TOPBP1: variants seen among roughly 807,000 people sequenced by gnomAD.
TOPBP1 encodes the protein DNA topoisomerase II binding protein 1.
A neutral mutation model predicts 167.7 loss-of-function variants in TOPBP1; 28 were observed. The ratio of observed to expected loss-of-function variants is 0.17; its 90% CI spans 0.12 to 0.23. The LOEUF is 0.23. TOPBP1 is among the 10% of genes least tolerant of loss of function. The pLI is 1.00. For synonymous variants in TOPBP1, 598 were observed against 611.4 expected, an observed-to-expected ratio of 0.98 and a Z score of 0.32; for missense variants, 1,554 against 1,809.6, an observed-to-expected ratio of 0.86 and a Z score of 2.56.
chr3:133,661,026 G>A lies in TOPBP1; in HGVS notation c.84+18C>T, dbSNP rs763626536. 4.9e-5 allele frequency: 76 copies of A among 1,538,528 alleles called. No homozygotes were observed. The highest frequency in any genetic ancestry group is 8.8e-6 in the Non-Finnish European group (10 of 1,142,112). On this transcript the variant is annotated intron_variant, in intron 2 of 27. Coordinates refer to ENST00000260810, the MANE Select transcript of TOPBP1 (RefSeq NM_007027.4). ...CAAGAAAATGAATTCACGGTATTAA[G>A]ATGTTTTCAACTCTTACCTCGAGAG...
chr3:133,646,910 G>A (rs539898928), intron 10 of TOPBP1, among the ~76,000 whole-genome samples: 76 of 152,112 alleles, frequency 5.0e-4, no homozygotes, highest in Non-Finnish European at 8.7e-4. Context: ...CCACTAAAGT[G>A]GTTACTAAAT....
At chr3:133,608,175 T>C (rs540914690) in intron 27 of TOPBP1, among the ~76,000 whole-genome samples, 3 of 152,276 alleles carry the variant, frequency 2.0e-5, no homozygotes, top group South Asian at 4.1e-4. Context: ...GTATTTAATG[T>C]ACATGAAAGC....
intron 11 of TOPBP1, 140 bp downstream of exon 11, chr3:133,643,880 C>T (rs1559826576): frequency 1.2e-5 from 10 of 837,316 alleles, no homozygotes; most frequent in African/African-American, 1.7e-5. Context: ...TTTTGAATTT[C>T]CCTTGCTAAA....
intron 14 of TOPBP1, among the ~76,000 whole-genome samples, chr3:133,631,319 C>T (rs921093371): frequency 5.9e-5 from 9 of 152,124 alleles, no homozygotes; most frequent in African/African-American, 1.9e-4. Flanking sequence ...TAATAAATTC[C>T]CCTATTTGTG....
Position 133,655,036 on chromosome 3 carries a change from G to A in TOPBP1, c.742+254C>T, listed in dbSNP as rs140531267. ...AGTCTGGCCAACATGGTGAAAGCCCGTCTCTACTAAAAATAAAAAGTTATT... is the reference window on the plus strand; with the variant it reads ...AGTCTGGCCAACATGGTGAAAGCCCATCTCTACTAAAAATAAAAAGTTATT... On this transcript the variant is annotated intron_variant, in intron 6 of 27. Coordinates refer to ENST00000260810, the MANE Select transcript of TOPBP1 (RefSeq NM_007027.4). Among the ~76,000 whole-genome samples the A allele has an allele frequency of 2.0e-4, 30 of 148,944 alleles. No individual in the cohort carries two copies. The East Asian group carries it at 2.3e-3, about 12-fold the overall frequency.
chr3:133,658,528 G>A (rs1172286813), intron 3 of TOPBP1, among the ~76,000 whole-genome samples: 1 of 151,710 alleles, frequency 6.6e-6, no homozygotes, highest in African/African-American at 2.4e-5. Flanking sequence ...ACTGAAAACT[G>A]CCTTACTGCT....
At chr3:133,637,851 T>C in intron 14 of TOPBP1, 25 bp downstream of exon 14, 1 of 1,608,570 alleles carries the variant, frequency 6.2e-7, no homozygotes, top group Admixed American at 1.7e-5. Flanking sequence ...CTGTTAACTC[T>C]GGGACCACTG....
rs1168287650 is a variant in TOPBP1 at position 133,661,084 on chromosome 3, T to G, written c.44A>C (p.Lys15Thr). The G allele has an allele frequency of 4.4e-6, 7 of 1,601,676 alleles. No individual in the cohort carries two copies. Among genetic ancestry groups the G allele is most frequent in the Non-Finnish European group, 6.0e-6 (7 of 1,175,360 alleles). Residue 15 changes from lysine (K) to threonine (T), a missense_variant, in exon 2 of 28, where the codon AAG (lysine) becomes ACG (threonine). This residue lies in a region of TOPBP1 where 1,197 missense variants were observed against 1,351.5 expected (regional missense o/e 0.89). Coordinates refer to ENST00000260810, the MANE Select transcript of TOPBP1 (RefSeq NM_007027.4). Reference sequence around the variant, plus strand: ...AAAACATTTGGAATTGTCTGAAGACTTTAAAAACTTCACAAAAAACGGTTC... The same window carrying G: ...AAAACATTTGGAATTGTCTGAAGACGTTAAAAACTTCACAAAAAACGGTTC... Reference protein sequence around the residue: ...DKEPFFVKFLKSSDNSKCFFK... With the variant: ...DKEPFFVKFLTSSDNSKCFFK...
At chr3:133,616,709 T>C (rs2107778043) in intron 23 of TOPBP1, 105 bp downstream of exon 23, 3 of 621,236 alleles carry the variant, frequency 4.8e-6, no homozygotes, top group Non-Finnish European at 7.7e-6. Context: ...CCATGTTCTT[T>C]TCCTCTACTT....
chr3:133,642,232 A>G (rs1359258174), intron 12 of TOPBP1, among the ~76,000 whole-genome samples: 1 of 151,970 alleles, frequency 6.6e-6, no homozygotes, highest in Non-Finnish European at 1.5e-5. Context: ...CCTGAGCTCA[A>G]GCAATCTTTT....
intron 10 of TOPBP1, among the ~76,000 whole-genome samples, chr3:133,645,045 A>G (rs1374602810): frequency 6.6e-6 from 1 of 152,192 alleles, no homozygotes; most frequent in Non-Finnish European, 1.5e-5. Flanking sequence ...AAGGTCACAC[A>G]GTTAAGTGGC....
intron 19 of TOPBP1, among the ~76,000 whole-genome samples, chr3:133,620,576 CTTT>C (rs532343890): frequency 1.1e-4 from 15 of 135,048 alleles, no homozygotes; most frequent in Non-Finnish European, 1.4e-4. Flanking sequence ...CCTTCAAATA[CTTT>C]TTTTTTTTTT....
At chr3:133,643,957 A>T in intron 11 of TOPBP1, 63 bp downstream of exon 11, 1 of 1,454,122 alleles carries the variant, frequency 6.9e-7, no homozygotes, top group Non-Finnish European at 9.3e-7. Context: ...AGAAATAAAC[A>T]TTAACCTTCT....
rs1344888414 is a variant in TOPBP1 at position 133,638,037 on chromosome 3, G to T, written c.2359C>A (p.Gln787Lys). 7 of 1,613,864 alleles carry T rather than the reference G, an allele frequency of 4.3e-6. No individual in the cohort carries two copies. In the African/African-American group the frequency reaches 9.3e-5, roughly 22 times the overall value. The change falls in exon 14 of 28, where the codon CAG becomes AAG. Residue 787 changes from glutamine to lysine, a missense_variant. By Grantham distance (53) the Gln-to-Lys change is moderately conservative. Around this residue, in one of 3 missense-constraint regions of TOPBP1, gnomAD observed 1,197 missense variants for 1,351.5 expected, o/e 0.89. Transcript: ENST00000260810. ...ACCACAGCACGGAAAGCTTTACTCT[G>T]AAAGCGGTTCATATCTAAAGGTGTA... The part of the protein sequence containing the change: ...VVTPLDMNRF[Q>K]SKAFRAVVSQ...
intron 14 of TOPBP1, among the ~76,000 whole-genome samples, chr3:133,629,867 A>G (rs764965355): frequency 2.6e-5 from 4 of 151,880 alleles, no homozygotes; most frequent in Non-Finnish European, 4.4e-5. Context: ...GCTCACTGCA[A>G]CCTCTGCCTC....
rs201648735 is a variant in TOPBP1, at chr3:133,644,221, T to C, written c.1647A>G (p.Glu549=). ...AACTCTTTTGGCTAAATAAGCCTTC[T>C]TCAGTAATTGTAGAAACATCAGGGA... is the stretch of plus-strand genomic sequence containing the variant. The part of the protein sequence containing the change: ...HCVPDVSTIT[E]EGLFSQKSFL... The change falls in exon 11 of 28, where the codon GAA becomes GAG. Residue 549 remains glutamate (E), a synonymous_variant. Coordinates refer to ENST00000260810, the MANE Select transcript of TOPBP1 (RefSeq NM_007027.4). The C allele has an allele frequency of 6.2e-7, 1 of 1,613,920 alleles. No homozygotes were observed. Among genetic ancestry groups the C allele is most frequent in the East Asian group, 2.2e-5 (1 of 44,884 alleles).
Position 133,617,302 on chromosome 3 carries a change from C to A in TOPBP1, c.3617G>T (p.Arg1206Leu). The A allele has an allele frequency of 6.2e-7, 1 of 1,611,748 alleles. No individual in the cohort carries two copies. The highest frequency in any genetic ancestry group is 8.5e-7 in the Non-Finnish European group (1 of 1,179,092). Residue 1206 changes from arginine (R) to leucine (L), a missense_variant, in exon 22 of 28, where the codon CGT (arginine) becomes CTT (leucine). Around this residue, in one of 3 missense-constraint regions of TOPBP1, gnomAD observed 351 missense variants for 432.9 expected, o/e 0.81. Transcript: ENST00000260810. ...KQAVCDPGNI[R>L]VTEAPKHPIS... The stretch of plus-strand genomic sequence containing the variant: ...TGGGTGTTTGGGAGCTTCAGTCACA[C>A]GTATGTTTCCAGGATCACAGACAGC...
chr3:133,649,168 A>C (rs1936191205), intron 10 of TOPBP1, among the ~76,000 whole-genome samples: 1 of 152,206 alleles, frequency 6.6e-6, no homozygotes, highest in Admixed American at 6.6e-5. Flanking sequence ...ACAAATCAAA[A>C]TAGAGCTAGT....
intron 23 of TOPBP1, among the ~76,000 whole-genome samples, chr3:133,616,001 A>T (rs748041187): frequency 9.2e-5 from 14 of 152,190 alleles, no homozygotes; most frequent in Non-Finnish European, 1.6e-4. Context: ...CTAGTATACC[A>T]GATTGCTCTT....
Sources: gnomAD v4.1 joint callset for allele counts (sites outside exome capture counted in the v4.1 genomes callset) on GRCh38, gnomAD v4.1.1 for gene constraint, gnomAD v4.1.1 regional missense constraint, MANE v1.5 for transcripts, NCBI Gene and HGNC (gene_info 2026-07-23, HGNC 2026-07-21) for gene names.